Variants in ZNF124 observed in about 807,000 individuals in gnomAD.
ZNF124 encodes the protein zinc finger protein HZF-16.
A neutral mutation model predicts 26.6 loss-of-function variants in ZNF124; 25 were observed. The observed-to-expected ratio is 0.94, with a 90% CI of 0.68 to 1.31. ZNF124 has a LOEUF of 1.31. Among genes scored for constraint, ZNF124 ranks in the 40% most tolerant of loss-of-function variants. The probability of loss-of-function intolerance (pLI) is 0.00; values close to 1 mark genes in which losing one functional copy is unlikely to be tolerated. For missense variants in ZNF124, 444 were observed against 422.2 expected (o/e 1.05, Z -0.45); for synonymous variants, 129 against 133.3 (o/e 0.97, Z 0.22).
intron 3 of ZNF124, among the ~76,000 whole-genome samples, chr1:247,142,583 A>G (rs1672655649): frequency 6.6e-6 from 1 of 152,252 alleles, no homozygotes; most frequent in Non-Finnish European, 1.5e-5. Context: ...AGTCCTCAGA[A>G]GATTGATATT....
intron 1 of ZNF124, among the ~76,000 whole-genome samples, chr1:247,161,420 T>C (rs954401181): frequency 6.6e-6 from 1 of 152,132 alleles, no homozygotes; most frequent in Admixed American, 6.5e-5. Context: ...AATAATCAAT[T>C]TGTCATATAT....
intron 1 of ZNF124, 125 bp from the exon 2 acceptor site, chr1:247,159,938 CTA>C: frequency 1.1e-6 from 1 of 881,992 alleles, no homozygotes; most frequent in Non-Finnish European, 1.6e-6. Flanking sequence ...GTCACTAGAA[CTA>C]TGACTCTGTC....
At position 247,157,306 on chromosome 1, in the gene ZNF124, CAGAA is replaced by C. The variant is rs767478033; in HGVS notation, c.312_315del (p.Val106GlnfsTer8). On this transcript the variant is annotated frameshift_variant, in exon 4 of 4. Coordinates refer to ENST00000543802, the MANE Select transcript of ZNF124 (RefSeq NM_001297568.2). LOFTEE classifies it high-confidence loss of function. Reference sequence around the variant, plus strand: ...ACTGTGTCTCTGTGAACCCTTGTGACAGAAAGGGAAGTTTTCTGACATTGTTTAC... The same window carrying C: ...ACTGTGTCTCTGTGAACCCTTGTGACAGGGAAGTTTTCTGACATTGTTTAC... 66 of 1,595,624 alleles carry C rather than the reference CAGAA, an allele frequency of 4.1e-5. No individual in the cohort carries two copies. The African/African-American group carries it at 7.2e-4, about 17-fold the overall frequency.
chr1:247,160,241 C>T (rs1303645219), intron 1 of ZNF124, among the ~76,000 whole-genome samples: 1 of 152,206 alleles, frequency 6.6e-6, no homozygotes, highest in Non-Finnish European at 1.5e-5. Flanking sequence ...GTCTTGGCCT[C>T]CCAAAGTGCT....
At chr1:247,162,654 T>C (rs1572094668) in intron 1 of ZNF124, among the ~76,000 whole-genome samples, 1 of 146,282 alleles carries the variant, frequency 6.8e-6, no homozygotes, top group Non-Finnish European at 1.5e-5. Flanking sequence ...ACTAGTCAAA[T>C]TTCAGATAAA....
chr1:247,162,105 T>G (rs75461367), intron 1 of ZNF124, among the ~76,000 whole-genome samples: 17,536 of 152,094 alleles, frequency 0.12, 1,302 homozygotes, highest in African/African-American at 0.19. Context: ...CTTATAAGAG[T>G]TCCTAAAGGT....
chr1:247,152,176 A>C (rs1318471189), downstream of ZNF124, among the ~76,000 whole-genome samples: 1 of 151,470 alleles, frequency 6.6e-6, no homozygotes, highest in Non-Finnish European at 1.5e-5. Flanking sequence ...ACATGTAAGA[A>C]TTTTTGTTTT....
At chr1:247,146,743 A>G (rs187390309) in intron 3 of ZNF124, among the ~76,000 whole-genome samples, 27 of 152,322 alleles carry the variant, frequency 1.8e-4, no homozygotes, top group African/African-American at 5.3e-4. Flanking sequence ...TTACTATCCA[A>G]TGTGCTAAGA....
At chr1:247,159,987 T>TTG (rs1176164754) in intron 1 of ZNF124, 174 bp from the exon 2 acceptor site, 1 of 622,070 alleles carries the variant, frequency 1.6e-6, no homozygotes, top group Non-Finnish European at 2.3e-6. Context: ...TTCTTTTTTT[T>TTG]TTTTTTTTTT....
At chr1:247,151,918 TTA>T (rs1279533089), downstream of ZNF124, among the ~76,000 whole-genome samples, 9 of 152,076 alleles carry the variant, frequency 5.9e-5, no homozygotes, top group Admixed American at 5.2e-4. Flanking sequence ...TGCATGATGT[TTA>T]TATAAAGTAT....
chr1:247,137,534 C>T (rs991356276), intron 3 of ZNF124, among the ~76,000 whole-genome samples: 4 of 145,794 alleles, frequency 2.7e-5, no homozygotes, highest in Admixed American at 1.4e-4. Context: ...GGGAATATCA[C>T]TCAGGACATA....
At chr1:247,151,507 C>T (rs1672944489), downstream of ZNF124, among the ~76,000 whole-genome samples, 2 of 150,318 alleles carry the variant, frequency 1.3e-5, no homozygotes, top group Non-Finnish European at 3.0e-5. Context: ...CATGTGTTGG[C>T]AAGGATGTGG....
chr1:247,159,282 C>T (rs930729332), intron 2 of ZNF124, among the ~76,000 whole-genome samples: 1 of 152,248 alleles, frequency 6.6e-6, no homozygotes, highest in Admixed American at 6.5e-5. Flanking sequence ...CTTACTCTTG[C>T]AAGACTGAAT....
chr1:247,148,997 A>G (rs1255410939), intron 3 of ZNF124, among the ~76,000 whole-genome samples: 1 of 152,174 alleles, frequency 6.6e-6, no homozygotes, highest in East Asian at 1.9e-4. Flanking sequence ...AACAAATCCC[A>G]GTGCTTTAAC....
exon 4 of ZNF124, chr1:247,123,750 G>C: frequency 1.6e-6 from 1 of 642,590 alleles, no homozygotes; most frequent in Non-Finnish European, 2.8e-6. Flanking sequence ...CTTGATTCGT[G>C]TGGCTTGCAG....
chr1:247,161,998 G>T (rs1198669435), intron 1 of ZNF124, among the ~76,000 whole-genome samples: 1 of 152,078 alleles, frequency 6.6e-6, no homozygotes, highest in African/African-American at 2.4e-5. Flanking sequence ...TTAAGGAAAA[G>T]AAATTCCAAC....
At chr1:247,167,848 A>G (rs1051344397) in intron 1 of ZNF124, among the ~76,000 whole-genome samples, 2 of 152,238 alleles carry the variant, frequency 1.3e-5, no homozygotes, top group African/African-American at 4.8e-5. Context: ...CAGAATTCAC[A>G]AAAAACTCAA....
chr1:247,170,383 CTGGAAATTT>C (rs759965907), intron 1 of ZNF124, among the ~76,000 whole-genome samples: 27,678 of 149,754 alleles, frequency 0.18, 3,236 homozygotes, highest in Middle Eastern at 0.3. Flanking sequence ...GAGGAAGAAA[CTGGAAATTT>C]AGAATTTTAC....
At chr1:247,170,617 GACTC>G (rs1346790006) in intron 1 of ZNF124, among the ~76,000 whole-genome samples, 1 of 143,948 alleles carries the variant, frequency 6.9e-6, no homozygotes, top group Admixed American at 6.7e-5. Context: ...GCTTTGGCAA[GACTC>G]ACGTCTCCAA....
Sources: gnomAD v4.1 joint callset for allele counts (sites outside exome capture counted in the v4.1 genomes callset) on GRCh38, gnomAD v4.1.1 for gene constraint, MANE v1.5 for transcripts, NCBI Gene and HGNC (gene_info 2026-07-23, HGNC 2026-07-21) for gene names.